The following TNS3 variants were observed in gnomAD, a reference collection of about 807,000 sequenced individuals.
The protein encoded by TNS3 is tensin 3.
Under a neutral mutation model 140.9 loss-of-function variants are expected in TNS3, and 45 were observed. That is an observed-to-expected ratio of 0.32 (90% CI 0.25 to 0.41). The LOEUF (loss-of-function observed/expected upper bound fraction) is 0.41, where lower values mean the gene tolerates loss of function less well. TNS3 is among the 10% of genes least tolerant of loss of function. The pLI is 1.00. For missense variants in TNS3, 1,716 were observed against 1,906.7 expected (o/e 0.90, Z 1.86); for synonymous variants, 815 against 788.4 (o/e 1.03, Z -0.56).
intron 4 of TNS3, among the ~76,000 whole-genome samples, chr7:47,448,992 C>A (rs1795887444): frequency 6.6e-6 from 1 of 152,210 alleles, no homozygotes; most frequent in African/African-American, 2.4e-5. Context: ...CCTTGTGAGA[C>A]TGTTCACAGA....
rs575316704 is a variant in TNS3, at chr7:47,368,864, C to T, written c.1782G>A (p.Gln594=). Residue 594 remains glutamine, a synonymous_variant, in exon 17 of 31, where the codon CAG becomes CAA. Coordinates refer to ENST00000311160, the MANE Select transcript of TNS3 (RefSeq NM_022748.12). Reference sequence around the variant, plus strand: ...AGCTATACTGGTGAGCTACAACCATCTGCTGCTGGCGCACCCAGGTCTGTG... The same window carrying T: ...AGCTATACTGGTGAGCTACAACCATTTGCTGCTGGCGCACCCAGGTCTGTG... ...YSTQTWVRQQ[Q]MVVAHQYSFA... The T allele has an allele frequency of 1.2e-5, 19 of 1,613,762 alleles. No individual in the cohort carries two copies. In the African/African-American group the frequency reaches 1.3e-4, roughly 11 times the overall value.
intron 4 of TNS3, among the ~76,000 whole-genome samples, chr7:47,461,513 A>T (rs2151691706): frequency 6.6e-6 from 1 of 152,314 alleles, no homozygotes; most frequent in African/African-American, 2.4e-5. Context: ...TGAAGACCGA[A>T]GGGGCCCAGG....
chr7:47,422,612 CAAAAAAA>C (rs1188594667), intron 10 of TNS3, among the ~76,000 whole-genome samples: 2 of 141,872 alleles, frequency 1.4e-5, no homozygotes, highest in African/African-American at 5.3e-5. Flanking sequence ...CACTCTGTTT[CAAAAAAA>C]GAAAAAAGAA....
intron 20 of TNS3, among the ~76,000 whole-genome samples, chr7:47,340,053 G>GTA (rs555997068): frequency 0.012 from 1,436 of 119,698 alleles, 19 homozygotes; most frequent in Middle Eastern, 0.033. Context: ...GTATATGTGT[G>GTA]TATATATATA....
At chr7:47,282,328 G>A (rs1047292998) in intron 28 of TNS3, among the ~76,000 whole-genome samples, 9 of 146,984 alleles carry the variant, frequency 6.1e-5, no homozygotes, top group African/African-American at 1.8e-4. Context: ...GCCATGCCCC[G>A]ACCCTGAGTC....
chr7:47,546,279 A>G (rs1347467335), intron 1 of TNS3, among the ~76,000 whole-genome samples: 1 of 152,170 alleles, frequency 6.6e-6, no homozygotes, highest in Non-Finnish European at 1.5e-5. Context: ...TACCTGAGCC[A>G]CTTGTCTCAC....
chr7:47,501,682 C>T lies in TNS3; in HGVS notation c.-115+5225G>A, dbSNP rs192412399. The stretch of plus-strand genomic sequence containing the variant: ...GGTGAGAAGGTCCAAAACAGAAACG[C>T]ACAGCTGCGACAGCCGAGGCCCCTG... On this transcript the variant is annotated intron_variant, in intron 3 of 30. Coordinates refer to ENST00000311160, the MANE Select transcript of TNS3 (RefSeq NM_022748.12). 2.7e-4 allele frequency among the ~76,000 whole-genome samples: 41 copies of T among 152,208 alleles called. 1 individual carries two copies. The highest frequency in any genetic ancestry group is 2.4e-3 in the Admixed American group (37 of 15,296).
At chr7:47,563,657 G>A (rs1343693096) in intron 1 of TNS3, among the ~76,000 whole-genome samples, 1 of 152,218 alleles carries the variant, frequency 6.6e-6, no homozygotes, top group Non-Finnish European at 1.5e-5. Flanking sequence ...GATGAACAGT[G>A]TATTATCTCA....
At chr7:47,388,269 C>A (rs75563335) in intron 16 of TNS3, among the ~76,000 whole-genome samples, 2 of 152,032 alleles carry the variant, frequency 1.3e-5, no homozygotes, top group African/African-American at 4.8e-5. Context: ...CTGCTGCTCA[C>A]GCTAGGTGTG....
At chr7:47,380,486 A>G (rs1791686963) in intron 16 of TNS3, among the ~76,000 whole-genome samples, 1 of 152,206 alleles carries the variant, frequency 6.6e-6, no homozygotes, top group Non-Finnish European at 1.5e-5. Context: ...TCAGTAAGTT[A>G]AGACTCCTCC....
chr7:47,449,710 T>C (rs1414527063), intron 4 of TNS3, among the ~76,000 whole-genome samples: 1 of 152,140 alleles, frequency 6.6e-6, no homozygotes, highest in Non-Finnish European at 1.5e-5. Flanking sequence ...CGGGTTCAAG[T>C]GATTCTCCTG....
intron 20 of TNS3, among the ~76,000 whole-genome samples, chr7:47,315,035 G>A (rs1007563809): frequency 6.6e-6 from 1 of 152,220 alleles, no homozygotes; most frequent in Non-Finnish European, 1.5e-5. Context: ...TTTCCACAAC[G>A]TGGGAGGCTC....
At position 47,442,074 on chromosome 7, in the gene TNS3, G is replaced by A; in HGVS notation, c.-75-19C>T. 7.9e-7 allele frequency: 1 copy of A among 1,260,606 alleles called. No individual in the cohort carries two copies. Among genetic ancestry groups the A allele is most frequent in the Non-Finnish European group, 1.0e-6 (1 of 977,816 alleles). The allele number at this position is 1,260,606 out of a possible 1,614,324, so 78.1% of individuals were successfully genotyped here. A position where few individuals can be genotyped will look rare whatever the true frequency, so the allele number is the denominator to read the frequency against. ...CTGGAGCCTGCAAATAACAAAACAA[G>A]GGTCATTTTGAAGTTTCCTTTCCTG... On this transcript the variant is annotated intron_variant, in intron 4 of 30. Transcript: ENST00000311160.
intron 4 of TNS3, among the ~76,000 whole-genome samples, chr7:47,445,421 C>T (rs894094178): frequency 6.6e-6 from 1 of 152,190 alleles, no homozygotes; most frequent in Non-Finnish European, 1.5e-5. Flanking sequence ...TGGAATCCCA[C>T]AGTTAAGCTG....
chr7:47,530,838 A>AAAAAAAAATAT, intron 1 of TNS3, among the ~76,000 whole-genome samples: 4 of 54,566 alleles, frequency 7.3e-5, no homozygotes, highest in African/African-American at 3.2e-4. Context: ...AAAAAAAAAA[A>AAAAAAAAATAT]ATATATATAT....
intron 16 of TNS3, among the ~76,000 whole-genome samples, chr7:47,395,501 T>G (rs1334555796): frequency 1.3e-5 from 2 of 152,262 alleles, no homozygotes; most frequent in African/African-American, 4.8e-5. Flanking sequence ...ATCAAAAAGT[T>G]TGATAACTGT....
chr7:47,305,641 C>G lies in TNS3; in HGVS notation c.2651-638G>C, dbSNP rs140022742. ...CCACACCGTGGGGTGCAGAAGCCAC[C>G]CTCGCAGGTGGGCCAGAACGCAAAC... On this transcript the variant is annotated intron_variant, in intron 20 of 30. Coordinates refer to ENST00000311160, the MANE Select transcript of TNS3 (RefSeq NM_022748.12). 3.5e-4 allele frequency among the ~76,000 whole-genome samples: 53 copies of G among 152,356 alleles called. 1 individual carries two copies. The highest frequency in any genetic ancestry group is 1.2e-3 in the African/African-American group (50 of 41,588).
In TNS3 at chr7:47,283,684, T is replaced by G. The variant is rs1355121697; in HGVS notation, c.4097+13A>C. 6.5e-7 allele frequency: 1 copy of G among 1,545,996 alleles called. No homozygotes were observed. The highest frequency in any genetic ancestry group is 2.4e-5 in the East Asian group (1 of 42,470). On this transcript the variant is annotated intron_variant, in intron 28 of 30. Transcript: ENST00000311160. ...CCCTGCTGGACGGCTCCTGCCTCCC[T>G]CTAGGCACTCACTTCCTCTGATTGT...
chr7:47,275,489 G>A lies in TNS3; in HGVS notation c.*2587C>T, dbSNP rs1282234467. On this transcript the variant is annotated 3_prime_UTR_variant, in exon 31 of 31. Coordinates refer to ENST00000311160, the MANE Select transcript of TNS3 (RefSeq NM_022748.12). ...CCGCATTTACTCCCCAGGGCAGTACGTGCCTGTCCAGCGGGAGCCCTGGAG... is the reference window on the plus strand; with the variant it reads ...CCGCATTTACTCCCCAGGGCAGTACATGCCTGTCCAGCGGGAGCCCTGGAG... The A allele has an allele frequency of 9.8e-6, 3 of 305,162 alleles. No homozygotes were observed. The highest frequency in any genetic ancestry group is 8.9e-5 in the East Asian group (1 of 11,242). 18.9% of individuals were successfully genotyped at this position (305,162 alleles called of 1,614,324 possible). A position where few individuals can be genotyped will look rare whatever the true frequency, so the allele number is the denominator to read the frequency against.
Sources: allele counts gnomAD v4.1 joint callset (sites outside exome capture counted in the v4.1 genomes callset), GRCh38; gene constraint gnomAD v4.1.1; transcripts MANE v1.5; gene names NCBI Gene and HGNC (gene_info 2026-07-23, HGNC 2026-07-21).